Variants in ADAMTSL3 observed in about 807,000 individuals in gnomAD.
ADAMTSL3 encodes the protein ADAMTS like 3.
Under a neutral mutation model 201.7 loss-of-function variants are expected in ADAMTSL3, and 128 were observed. That is an observed-to-expected ratio of 0.63 (90% CI 0.55 to 0.73). ADAMTSL3 has a LOEUF of 0.73. Among genes scored for constraint, ADAMTSL3 ranks in the 30% least tolerant of loss-of-function variants. The probability of loss-of-function intolerance (pLI) is 0.00; values close to 1 mark genes in which losing one functional copy is unlikely to be tolerated. For synonymous variants in ADAMTSL3, 738 were observed against 748.4 expected (o/e 0.99, Z 0.23); for missense variants, 1,990 against 2,119.6 (o/e 0.94, Z 1.20).
chr15:83,795,328 A>T (rs988793193), intron 4 of ADAMTSL3, among the ~76,000 whole-genome samples: 3 of 152,214 alleles, frequency 2.0e-5, no homozygotes, highest in African/African-American at 7.2e-5. Flanking sequence ...AGGGAAATCC[A>T]TGGGGCCAAA....
In ADAMTSL3 at chr15:83,942,949, G is replaced by A; in HGVS notation, c.2357G>A (p.Cys786Tyr). Reference sequence around the variant, plus strand: ...GGAACTCAGAACAGAAGAGTCACCTGTCGGCAGCTGCTAACGGATGGCAGC... The same window carrying A: ...GGAACTCAGAACAGAAGAGTCACCTATCGGCAGCTGCTAACGGATGGCAGC... Reference protein sequence around the residue: ...GGGTQNRRVTCRQLLTDGSFL... With the variant: ...GGGTQNRRVTYRQLLTDGSFL... The change falls in exon 19 of 30, where the codon TGT becomes TAT. Residue 786 changes from cysteine to tyrosine, a missense_variant. Physicochemically the swap from Cys to Tyr is radical, Grantham distance 194 (BLOSUM62 -2). Coordinates refer to ENST00000286744, the MANE Select transcript of ADAMTSL3 (RefSeq NM_207517.3). The A allele has an allele frequency of 6.2e-7, 1 of 1,613,210 alleles. No homozygotes were observed. Among genetic ancestry groups the A allele is most frequent in the South Asian group, 1.1e-5 (1 of 90,908 alleles).
chr15:83,675,444 G>A (rs534176223), intron 2 of ADAMTSL3, among the ~76,000 whole-genome samples: 1 of 152,096 alleles, frequency 6.6e-6, no homozygotes, highest in East Asian at 1.9e-4. Flanking sequence ...TTCAGGTATT[G>A]AACCAGCCTT....
Position 83,838,081 on chromosome 15 carries a change from G to C in ADAMTSL3, c.601-8G>C. ...GGGCACCACTGACTGCCATGCTTCT[G>C]TTGGCAGGCAGTGGGCTGCGATCGG... On this transcript the variant is annotated splice_polypyrimidine_tract_variant and splice_region_variant and intron_variant, in intron 6 of 29. Coordinates refer to ENST00000286744, the MANE Select transcript of ADAMTSL3 (RefSeq NM_207517.3). 5 of 1,605,720 alleles carry C rather than the reference G, an allele frequency of 3.1e-6. No homozygotes were observed. The highest frequency in any genetic ancestry group is 4.2e-6 in the Non-Finnish European group (5 of 1,176,970).
In ADAMTSL3 at chr15:83,942,888, C is replaced by G. The variant is rs762071401; in HGVS notation, c.2311-15C>G. ...TGGGCCAAGCCTGCCGCCTCACCCCCTCTTGTCTTCTTAGTGTTCCAGGAC... is the reference window on the plus strand; with the variant it reads ...TGGGCCAAGCCTGCCGCCTCACCCCGTCTTGTCTTCTTAGTGTTCCAGGAC... On this transcript the variant is annotated splice_polypyrimidine_tract_variant and intron_variant, in intron 18 of 29. Transcript: ENST00000286744. 3 of 1,609,694 alleles carry G rather than the reference C, an allele frequency of 1.9e-6. No individual in the cohort carries two copies. Among genetic ancestry groups the G allele is most frequent in the South Asian group, 1.1e-5 (1 of 90,038 alleles).
intron 15 of ADAMTSL3, among the ~76,000 whole-genome samples, chr15:83,905,175 A>T (rs2141935677): frequency 6.6e-6 from 1 of 152,338 alleles, no homozygotes; most frequent in South Asian, 2.1e-4. Context: ...TTCGTGTCAG[A>T]TGTCCTGAAT....
At chr15:83,770,371 C>T (rs1012552687) in intron 3 of ADAMTSL3, among the ~76,000 whole-genome samples, 1 of 152,098 alleles carries the variant, frequency 6.6e-6, no homozygotes, top group Non-Finnish European at 1.5e-5. Context: ...CTGTCTTTTC[C>T]CAACAACATT....
chr15:83,783,488 T>C (rs1239924078), intron 4 of ADAMTSL3, among the ~76,000 whole-genome samples: 1 of 152,126 alleles, frequency 6.6e-6, no homozygotes, highest in African/African-American at 2.4e-5. Flanking sequence ...ACAAAATTTA[T>C]GTGGTTTACT....
intron 20 of ADAMTSL3, 34 bp from the exon 21 acceptor site, chr15:83,982,239 T>C: frequency 6.6e-7 from 1 of 1,514,574 alleles, no homozygotes. Context: ...TGTTTATTCG[T>C]ATTTTCTTTT....
rs372519506 is a variant in ADAMTSL3 at position 83,897,863 on chromosome 15, A to G, written c.1473A>G (p.Thr491=). The change falls in exon 14 of 30, where the codon ACA becomes ACG. Residue 491 remains threonine, a synonymous_variant. Transcript: ENST00000286744. The stretch of plus-strand genomic sequence containing the variant: ...TTCTCTTTTCTTCTTTGAAGTGCAC[A>G]GTGACTTGTGGCCGAGGGTTACGGT... ...KWIAMEWSQC[T]VTCGRGLRYR... is the part of the protein sequence containing the mutation. The G allele has an allele frequency of 5.6e-6, 9 of 1,598,686 alleles. No individual in the cohort carries two copies. The highest frequency in any genetic ancestry group is 2.2e-5 in the East Asian group (1 of 44,600).
chr15:83,982,232 T>A (rs747905523), intron 20 of ADAMTSL3, 41 bp from the exon 21 acceptor site: 23 of 1,484,828 alleles, frequency 1.5e-5, no homozygotes, highest in Non-Finnish European at 2.1e-5. Context: ...TTTGAGATGT[T>A]TATTCGTATT....
At chr15:83,771,997 C>T (rs2141746260) in intron 3 of ADAMTSL3, among the ~76,000 whole-genome samples, 1 of 152,222 alleles carries the variant, frequency 6.6e-6, no homozygotes, top group African/African-American at 2.4e-5. Flanking sequence ...GGACCACAGG[C>T]ATGTGACACC....
intron 6 of ADAMTSL3, among the ~76,000 whole-genome samples, chr15:83,835,094 C>T (rs2064238276): frequency 6.6e-6 from 1 of 151,892 alleles, no homozygotes. Flanking sequence ...ATTAGCCGGG[C>T]ATGGTGGCGG....
rs779868560 is a variant in ADAMTSL3, at chr15:83,843,685, C to T, written c.727+5470C>T. Among the ~76,000 whole-genome samples, 3 of 152,158 alleles carry T rather than the reference C, an allele frequency of 2.0e-5. No homozygotes were observed. In the South Asian group the frequency reaches 6.2e-4, roughly 32 times the overall value. On this transcript the variant is annotated intron_variant, in intron 7 of 29. Coordinates refer to ENST00000286744, the MANE Select transcript of ADAMTSL3 (RefSeq NM_207517.3). ...TTGCCAAGAATTCATTCCAATCTTCCCTGGGACTCACCCTGAGTCAGGACA... is the reference window on the plus strand; with the variant it reads ...TTGCCAAGAATTCATTCCAATCTTCTCTGGGACTCACCCTGAGTCAGGACA...
At chr15:83,662,601 A>G (rs1171466991) in intron 2 of ADAMTSL3, among the ~76,000 whole-genome samples, 2 of 57,678 alleles carry the variant, frequency 3.5e-5, no homozygotes, top group African/African-American at 7.3e-5. Flanking sequence ...AGAAAGAAAG[A>G]AAAAAAAAAA....
chr15:83,906,523 C>T (rs8029387), intron 15 of ADAMTSL3, among the ~76,000 whole-genome samples: 94,912 of 151,298 alleles, frequency 0.63, 30,861 homozygotes, highest in African/African-American at 0.79. Flanking sequence ...ATGTAATATG[C>T]TTAGCATAGT....
At chr15:83,692,549 G>A (rs987618529) in intron 2 of ADAMTSL3, among the ~76,000 whole-genome samples, 1 of 151,932 alleles carries the variant, frequency 6.6e-6, no homozygotes, top group African/African-American at 2.4e-5. Flanking sequence ...AGCTGGGTGT[G>A]GCGGCGGGCA....
intron 6 of ADAMTSL3, among the ~76,000 whole-genome samples, chr15:83,834,323 G>C (rs2064218957): frequency 6.6e-6 from 1 of 152,134 alleles, no homozygotes; most frequent in African/African-American, 2.4e-5. Flanking sequence ...TAACTTCAAA[G>C]GGGGTGGAGA....
At chr15:83,744,803 T>G (rs1434068253) in intron 3 of ADAMTSL3, among the ~76,000 whole-genome samples, 1 of 152,220 alleles carries the variant, frequency 6.6e-6, no homozygotes, top group African/African-American at 2.4e-5. Flanking sequence ...AGGACTGTCG[T>G]GTTTGGGGTG....
At chr15:83,872,025 A>T in intron 9 of ADAMTSL3, among the ~76,000 whole-genome samples, 1 of 152,078 alleles carries the variant, frequency 6.6e-6, no homozygotes, top group East Asian at 1.9e-4. Context: ...AGAGTTGCTG[A>T]CTCATCCCAA....
Sources: gnomAD v4.1 joint callset for allele counts (sites outside exome capture counted in the v4.1 genomes callset) on GRCh38, gnomAD v4.1.1 for gene constraint, MANE v1.5 for transcripts, NCBI Gene and HGNC (gene_info 2026-07-23, HGNC 2026-07-21) for gene names.